The following MAG variants were observed in gnomAD, a reference collection of about 807,000 sequenced individuals.
MAG encodes the protein myelin associated glycoprotein.
A neutral mutation model predicts 60.7 loss-of-function variants in MAG; 30 were observed. That is an observed-to-expected ratio of 0.49 (90% confidence interval 0.37 to 0.67). The LOEUF is 0.67. Ranked by LOEUF, MAG falls within the 30% of genes least tolerant of loss-of-function variation. The pLI is 0.00. For synonymous variants in MAG, 384 were observed against 376.8 expected, an observed-to-expected ratio of 1.02 and a Z score of -0.22; for missense variants, 795 against 851.7, an observed-to-expected ratio of 0.93 and a Z score of 0.83.
intron 4 of MAG, among the ~76,000 whole-genome samples, chr19:35,298,784 C>CA (rs1263560230): frequency 6.7e-6 from 1 of 149,240 alleles, no homozygotes; most frequent in Non-Finnish European, 1.5e-5. Context: ...ACACACGACC[C>CA]AAACTACACA....
intron 1 of MAG, 45 bp from the exon 2 acceptor site, chr19:35,294,190 C>A: frequency 2.5e-6 from 1 of 395,960 alleles, no homozygotes; most frequent in East Asian, 9.8e-5. Flanking sequence ...GGTTGGGTGC[C>A]TCAATCCCGC....
At chr19:35,302,795 A>G in intron 7 of MAG, 87 bp downstream of exon 7, 1 of 1,523,854 alleles carries the variant, frequency 6.6e-7, no homozygotes, top group Non-Finnish European at 8.9e-7. Context: ...CATCCCAATC[A>G]GTATTGGCTT....
intron 4 of MAG, among the ~76,000 whole-genome samples, chr19:35,296,438 A>G (rs574822990): frequency 6.6e-6 from 1 of 152,348 alleles, no homozygotes; most frequent in African/African-American, 2.4e-5. Flanking sequence ...GCTCTGGCCA[A>G]CAGAAAGCAG....
intron 7 of MAG, among the ~76,000 whole-genome samples, chr19:35,306,157 C>T (rs1233948631): frequency 7.6e-6 from 1 of 131,132 alleles, no homozygotes; most frequent in Non-Finnish European, 1.6e-5. Context: ...AAGACTGTCC[C>T]ACCCCCACAC....
At chr19:35,294,589 T>C (rs1458781817) in intron 2 of MAG, among the ~76,000 whole-genome samples, 1 of 152,206 alleles carries the variant, frequency 6.6e-6, no homozygotes, top group Admixed American at 6.5e-5. Context: ...GGCTGGCACA[T>C]GGCCAATGCC....
intron 1 of MAG, 117 bp from the exon 2 acceptor site, chr19:35,294,117 AG>A (rs3214111): frequency 0.62 from 183,737 of 294,026 alleles, 58,341 homozygotes; most frequent in South Asian, 0.74. Flanking sequence ...GCACAATGGG[AG>A]GGCCACATGG....
chr19:35,310,110 G>T lies in MAG; in HGVS notation c.1468G>T (p.Ala490Ser). 6.2e-7 allele frequency: 1 copy of T among 1,612,308 alleles called. No individual in the cohort carries two copies. The highest frequency in any genetic ancestry group is 1.1e-5 in the South Asian group (1 of 90,998). ...GGCCCCGCCCCGCGTCATCTGCACC[G>T]CGAGGAACCTCTATGGCGCCAAGAG... is the stretch of plus-strand genomic sequence containing the variant. Reference protein sequence around the residue: ...AQAPPRVICTARNLYGAKSLE... With the variant: ...AQAPPRVICTSRNLYGAKSLE... The change falls in exon 8 of 11, where the codon GCG becomes TCG. Residue 490 changes from alanine (A) to serine (S), a missense_variant. By Grantham distance (99) the Ala-to-Ser change is moderately conservative (BLOSUM62 1). Transcript: ENST00000392213.
chr19:35,292,879 C>T (rs1313265458), intron 1 of MAG, among the ~76,000 whole-genome samples: 4 of 152,032 alleles, frequency 2.6e-5, no homozygotes, highest in East Asian at 1.9e-4. Context: ...GGTTTACAGG[C>T]GTGAGCCACT....
At chr19:35,306,403 T>G (rs973612199) in intron 7 of MAG, among the ~76,000 whole-genome samples, 2 of 152,118 alleles carry the variant, frequency 1.3e-5, no homozygotes. Context: ...TATCCACCCA[T>G]GAGTACTTGG....
rs778752105 is a variant in MAG at position 35,313,506 on chromosome 19, C to A, written c.*52C>A. Reference sequence around the variant, plus strand: ...GACCCCCCTCAGGACCCTCGCTGGCCCCCACTGGCTGTGGGCTCCCTTCCT... The same window carrying A: ...GACCCCCCTCAGGACCCTCGCTGGCACCCACTGGCTGTGGGCTCCCTTCCT... On this transcript the variant is annotated 3_prime_UTR_variant, in exon 11 of 11. Transcript: ENST00000392213. 3 of 1,525,400 alleles carry A rather than the reference C, an allele frequency of 2.0e-6. No homozygotes were observed. Among genetic ancestry groups the A allele is most frequent in the South Asian group, 1.2e-5 (1 of 81,024 alleles). 94.5% of individuals were successfully genotyped at this position (1,525,400 alleles called of 1,614,324 possible).
intron 1 of MAG, among the ~76,000 whole-genome samples, chr19:35,292,749 C>G (rs906871208): frequency 2.0e-5 from 3 of 151,962 alleles, no homozygotes; most frequent in African/African-American, 7.3e-5. Context: ...CCACTAAGGA[C>G]ACTTTTTATT....
In MAG at chr19:35,295,666, G is replaced by C; in HGVS notation, c.100G>C (p.Glu34Gln). ...AWMPSSISAF[E>Q]GTCVSIPCRF... Reference sequence around the variant, plus strand: ...GATGCCCTCGTCCATCTCGGCCTTCGAAGGCACGTGCGTCTCCATCCCCTG... The same window carrying C: ...GATGCCCTCGTCCATCTCGGCCTTCCAAGGCACGTGCGTCTCCATCCCCTG... The change falls in exon 4 of 11, where the codon GAA (glutamate) becomes CAA (glutamine). Residue 34 changes from glutamate to glutamine, a missense_variant. Glu to Gln is a conservative substitution (Grantham distance 29). Transcript: ENST00000392213. This position sits in a 1 kb window ranked among gnomAD's most constrained non-coding sequence, Gnocchi z 5.8. 1 of 1,612,086 alleles carries C rather than the reference G, an allele frequency of 6.2e-7. No homozygotes were observed. Among genetic ancestry groups the C allele is most frequent in the Non-Finnish European group, 8.5e-7 (1 of 1,179,892 alleles).
intron 10 of MAG, chr19:35,312,779 T>C: frequency 5.3e-6 from 1 of 188,810 alleles, no homozygotes; most frequent in Non-Finnish European, 1.1e-5. Flanking sequence ...GGCTCACACC[T>C]GTAATCCCAC....
At chr19:35,310,215 G>A in intron 8 of MAG, 54 bp downstream of exon 8, 2 of 1,557,346 alleles carry the variant, frequency 1.3e-6, no homozygotes, top group Non-Finnish European at 1.7e-6. Context: ...GCACGTCTTA[G>A]ATCCAAGCTC....
Position 35,310,581 on chromosome 19 carries a change from C to T in MAG, c.1554C>T (p.Gly518=), listed in dbSNP as rs200430942. The change falls in exon 9 of 11, where the codon GGC becomes GGT. Residue 518 remains glycine, a synonymous_variant. Coordinates refer to ENST00000392213, the MANE Select transcript of MAG (RefSeq NM_002361.4). ...TGTGGGCCAAGATCGGGCCTGTGGG[C>T]GCCGTGGTCGCCTTTGCCATCCTGA... ...RLMWAKIGPV[G]AVVAFAILIA... is the part of the protein sequence containing the mutation. 28 of 1,614,012 alleles carry T rather than the reference C, an allele frequency of 1.7e-5. No individual in the cohort carries two copies. Among genetic ancestry groups the T allele is most frequent in the East Asian group, 6.7e-5 (3 of 44,884 alleles).
chr19:35,312,415 C>G, intron 10 of MAG: 1 of 1,222,118 alleles, frequency 8.2e-7, no homozygotes, highest in South Asian at 1.2e-5. Flanking sequence ...TGTCAGGCGT[C>G]AAGGTGGTCT....
intron 6 of MAG, among the ~76,000 whole-genome samples, chr19:35,301,671 C>T (rs964783845): frequency 1.3e-5 from 2 of 152,086 alleles, no homozygotes; most frequent in South Asian, 2.1e-4. Context: ...ACCTCGTGAT[C>T]TGCCCACCTC....
chr19:35,299,575 C>T lies in MAG; in HGVS notation c.437C>T (p.Pro146Leu). Residue 146 changes from proline to leucine, a missense_variant, in exon 5 of 11, where the codon CCC (proline) becomes CTC (leucine). Physicochemically the swap from Pro to Leu is moderately conservative, Grantham distance 98 (BLOSUM62 -3). Transcript: ENST00000392213. ...ATAGACACCCCCAACATCGTGGTGC[C>T]CCCAGAGGTGGTGGCAGGCACGGAG... ...DIVNTPNIVV[P>L]PEVVAGTEVE... 1 of 1,601,086 alleles carries T rather than the reference C, an allele frequency of 6.2e-7. No homozygotes were observed. The highest frequency in any genetic ancestry group is 8.5e-7 in the Non-Finnish European group (1 of 1,171,000).
At chr19:35,310,305 G>A in intron 8 of MAG, 144 bp downstream of exon 8, 1 of 1,215,012 alleles carries the variant, frequency 8.2e-7, no homozygotes, top group East Asian at 2.6e-5. Context: ...GGTTGGAGAG[G>A]AGAAGCCGCC....
Sources: allele counts gnomAD v4.1 joint callset (sites outside exome capture counted in the v4.1 genomes callset), GRCh38; gene constraint gnomAD v4.1.1; non-coding constraint Gnocchi (gnomAD v3.1); transcripts MANE v1.5; gene names NCBI Gene and HGNC (gene_info 2026-07-23, HGNC 2026-07-21).